PRKACB: variants seen among roughly 807,000 people sequenced by gnomAD.
PRKACB encodes cAMP-dependent protein kinase catalytic subunit beta.
In PRKACB, 16 loss-of-function variants were observed where a neutral mutation model predicts 51.4. That is an observed-to-expected ratio of 0.31 (90% CI 0.21 to 0.47). The LOEUF (loss-of-function observed/expected upper bound fraction) is 0.47, where lower values mean the gene tolerates loss of function less well. Ranked by LOEUF, PRKACB falls within the 20% of genes least tolerant of loss-of-function variation. The pLI is 1.00. For missense variants in PRKACB, 309 were observed against 464.5 expected (o/e 0.67, Z 3.08); for synonymous variants, 147 against 154.4 (o/e 0.95, Z 0.35).
intron 1 of PRKACB, among the ~76,000 whole-genome samples, chr1:84,102,247 C>T (rs1047383631): frequency 1.6e-4 from 24 of 151,406 alleles, no homozygotes; most frequent in Admixed American, 1.3e-3. Flanking sequence ...ATTAGCTGGG[C>T]GTGGTGTTGG....
At chr1:84,201,344 A>G (rs1457067537) in intron 7 of PRKACB, among the ~76,000 whole-genome samples, 1 of 151,972 alleles carries the variant, frequency 6.6e-6, no homozygotes, top group South Asian at 2.1e-4. Context: ...GTGTCTGTAA[A>G]TTATTAGTTC....
rs571852580 is a variant in PRKACB, at chr1:84,237,503, G to A, written c.*2198G>A. ...TTAGGTAGATGATCCCTAGACATAC[G>A]TTGGTTTTGAGGGCTATTCAGCCAT... On this transcript the variant is annotated 3_prime_UTR_variant, in exon 10 of 10. Coordinates refer to ENST00000370685, the MANE Select transcript of PRKACB (RefSeq NM_182948.4). 1.4e-4 allele frequency: 22 copies of A among 152,424 alleles called. No homozygotes were observed. Among genetic ancestry groups the A allele is most frequent in the African/African-American group, 5.1e-4 (21 of 41,384 alleles). 9.4% of individuals were successfully genotyped at this position (152,424 alleles called of 1,614,324 possible). A position where few individuals can be genotyped will look rare whatever the true frequency, so the allele number is the denominator to read the frequency against.
intron 1 of PRKACB, among the ~76,000 whole-genome samples, chr1:84,116,108 C>T (rs935284747): frequency 4.6e-5 from 7 of 152,044 alleles, no homozygotes; most frequent in African/African-American, 7.2e-5. Context: ...AAGAGAGTGT[C>T]TTTTCCCCAG....
chr1:84,078,364 G>A (rs1432323269), exon 1 of PRKACB: 2 of 1,612,248 alleles, frequency 1.2e-6, no homozygotes, highest in African/African-American at 2.7e-5. Flanking sequence ...GCAGCGAGGT[G>A]GAGAGCGGTG....
chr1:84,079,344 G>T (rs1180668021), intron 1 of PRKACB, among the ~76,000 whole-genome samples: 1 of 152,100 alleles, frequency 6.6e-6, no homozygotes, highest in African/African-American at 2.4e-5. Flanking sequence ...CTTAAAGTGG[G>T]CCTGGTGATT....
At position 84,219,445 on chromosome 1, in the gene PRKACB, G is replaced by A. The variant is rs773948255; in HGVS notation, c.1071+5128G>A. Among the ~76,000 whole-genome samples the A allele has an allele frequency of 1.6e-4, 24 of 151,812 alleles. No individual in the cohort carries two copies. In the Middle Eastern group the frequency reaches 0.01, roughly 65 times the overall value. On this transcript the variant is annotated intron_variant, in intron 9 of 9. Transcript: ENST00000370685. ...TCACCATGTTGGTCAGGCTGGTCTCGAACTCCTGACCTGCCTCAGCCTCCC... is the reference window on the plus strand; with the variant it reads ...TCACCATGTTGGTCAGGCTGGTCTCAAACTCCTGACCTGCCTCAGCCTCCC...
At chr1:84,164,402 C>A in intron 1 of PRKACB, 1 of 1,574,634 alleles carries the variant, frequency 6.4e-7, no homozygotes, top group Non-Finnish European at 8.6e-7. Context: ...TTGCTCCTTG[C>A]CAGGTTCAAC....
chr1:84,172,538 T>C (rs575419767), intron 1 of PRKACB, among the ~76,000 whole-genome samples: 86 of 151,796 alleles, frequency 5.7e-4, no homozygotes, highest in Non-Finnish European at 1.2e-3. Context: ...ATATGATTAG[T>C]TGTGAATGAA....
intron 7 of PRKACB, among the ~76,000 whole-genome samples, chr1:84,200,336 T>TTG (rs1669727176): frequency 6.6e-6 from 1 of 152,180 alleles, no homozygotes. Context: ...ATGGGGTTGT[T>TTG]TGTTTCTTGT....
intron 7 of PRKACB, among the ~76,000 whole-genome samples, chr1:84,201,513 T>C (rs1670089419): frequency 6.6e-6 from 1 of 152,058 alleles, no homozygotes; most frequent in South Asian, 2.1e-4. Flanking sequence ...AGTTAATGCC[T>C]ATTTCTATTA....
chr1:84,204,808 A>G (rs572812371), intron 8 of PRKACB: 1 of 925,224 alleles, frequency 1.1e-6, no homozygotes, highest in African/African-American at 1.8e-5. Context: ...AACTAAATTT[A>G]CATTTATTAA....
intron 1 of PRKACB, among the ~76,000 whole-genome samples, chr1:84,148,221 T>C (rs1654377381): frequency 6.6e-6 from 1 of 152,144 alleles, no homozygotes; most frequent in Non-Finnish European, 1.5e-5. Flanking sequence ...GCCCATACTT[T>C]AGGCATCCTC....
At chr1:84,172,209 A>G (rs756335974) in intron 1 of PRKACB, among the ~76,000 whole-genome samples, 4 of 151,682 alleles carry the variant, frequency 2.6e-5, no homozygotes, top group African/African-American at 7.2e-5. Flanking sequence ...ATCATCTAGG[A>G]ATCCATTCTT....
intron 1 of PRKACB, among the ~76,000 whole-genome samples, chr1:84,102,755 AT>A (rs1186679090): frequency 2.6e-5 from 4 of 152,064 alleles, no homozygotes; most frequent in African/African-American, 9.7e-5. Flanking sequence ...ATGTGAAAGA[AT>A]GATTGAGAGA....
At chr1:84,154,270 A>G (rs1285240371) in intron 1 of PRKACB, among the ~76,000 whole-genome samples, 1 of 151,844 alleles carries the variant, frequency 6.6e-6, no homozygotes, top group African/African-American at 2.4e-5. Flanking sequence ...TTCAATATGA[A>G]CTCCTTATTA....
At chr1:84,135,572 A>G (rs1264902596) in intron 1 of PRKACB, among the ~76,000 whole-genome samples, 3 of 152,196 alleles carry the variant, frequency 2.0e-5, no homozygotes, top group Non-Finnish European at 4.4e-5. Context: ...GTAATCATGC[A>G]AAGTATGTTC....
chr1:84,187,462 G>A (rs1665480661), intron 5 of PRKACB, among the ~76,000 whole-genome samples: 1 of 152,118 alleles, frequency 6.6e-6, no homozygotes, highest in African/African-American at 2.4e-5. Context: ...AACTTTCTTG[G>A]CTTTGTTTAC....
chr1:84,135,384 A>C (rs774376760), intron 1 of PRKACB, among the ~76,000 whole-genome samples: 13 of 152,214 alleles, frequency 8.5e-5, no homozygotes, highest in Non-Finnish European at 1.9e-4. Context: ...CAGGCAGAAA[A>C]TCAGTGTAAG....
chr1:84,146,104 G>A (rs1321686369), intron 1 of PRKACB, among the ~76,000 whole-genome samples: 1 of 150,940 alleles, frequency 6.6e-6, no homozygotes, highest in African/African-American at 2.4e-5. Flanking sequence ...ATGGAAAATA[G>A]TATCATGAGC....
Sources: allele counts gnomAD v4.1 joint callset (sites outside exome capture counted in the v4.1 genomes callset), GRCh38; gene constraint gnomAD v4.1.1; transcripts MANE v1.5; gene names NCBI Gene and HGNC (gene_info 2026-07-23, HGNC 2026-07-21).